The following NDUFV2 variants were observed in gnomAD, a reference collection of about 807,000 sequenced individuals.
NDUFV2 encodes the protein NADH:ubiquinone oxidoreductase core subunit V2, also known as NADH dehydrogenase [ubiquinone] flavoprotein 2, mitochondrial.
NDUFV2 carries 18 observed loss-of-function variants against 31.6 expected under a neutral mutation model. The observed-to-expected ratio is 0.57, with a 90% CI of 0.39 to 0.84. NDUFV2 has a LOEUF of 0.84. Ranked by LOEUF, NDUFV2 falls within the 40% of genes least tolerant of loss-of-function variation. NDUFV2 has a pLI of 0.00. For missense variants in NDUFV2, 314 were observed against 303.6 expected (o/e 1.03, Z -0.26); for synonymous variants, 83 against 99.8 (o/e 0.83, Z 1.01).
At chr18:9,111,953 C>T (rs747589044) in intron 1 of NDUFV2, among the ~76,000 whole-genome samples, 10 of 150,512 alleles carry the variant, frequency 6.6e-5, no homozygotes, top group Non-Finnish European at 1.2e-4. Flanking sequence ...ATGAAATTGA[C>T]ATTTCATATA....
At chr18:9,128,096 G>GTT (rs1367185372) in intron 7 of NDUFV2, among the ~76,000 whole-genome samples, 2 of 152,060 alleles carry the variant, frequency 1.3e-5, no homozygotes, top group African/African-American at 4.8e-5. Context: ...TGTTCTCATG[G>GTT]TTTTAGTCAT....
chr18:9,120,952 G>A (rs796622144), intron 4 of NDUFV2, among the ~76,000 whole-genome samples: 5 of 152,208 alleles, frequency 3.3e-5, no homozygotes, highest in African/African-American at 1.2e-4. Context: ...AACTGAAAGT[G>A]AAAACATTTA....
intron 6 of NDUFV2, 23 bp downstream of exon 6, chr18:9,125,006 G>C: frequency 6.2e-7 from 1 of 1,607,378 alleles, no homozygotes; most frequent in Non-Finnish European, 8.5e-7. Context: ...GGTAATACAA[G>C]TTAAAGTTGT....
At chr18:9,103,093 G>A (rs979177784) in intron 1 of NDUFV2, 3 of 424,236 alleles carry the variant, frequency 7.1e-6, no homozygotes, top group Non-Finnish European at 1.2e-5. Flanking sequence ...TTGCTGTAGC[G>A]CAGAATCTAG....
chr18:9,126,977 A>G, intron 7 of NDUFV2, 70 bp downstream of exon 7: 9 of 1,256,882 alleles, frequency 7.2e-6, no homozygotes, highest in Non-Finnish European at 1.1e-5. Flanking sequence ...AACTTGATTT[A>G]AAAAATTTTA....
At chr18:9,125,917 A>C (rs530617916) in intron 6 of NDUFV2, among the ~76,000 whole-genome samples, 30 of 152,258 alleles carry the variant, frequency 2.0e-4, no homozygotes, top group Admixed American at 4.6e-4. Context: ...ATGAGGTTAA[A>C]GCTTTTGGGG....
chr18:9,105,609 A>C (rs2077837701), intron 1 of NDUFV2, among the ~76,000 whole-genome samples: 1 of 152,216 alleles, frequency 6.6e-6, no homozygotes, highest in African/African-American at 2.4e-5. Context: ...TGGCATTTTC[A>C]ATTACAGATG....
chr18:9,102,871 C>T (rs775213414), intron 1 of NDUFV2, 74 bp downstream of exon 1: 6 of 1,475,932 alleles, frequency 4.1e-6, no homozygotes, highest in East Asian at 5.2e-5. Flanking sequence ...TAGTTTTGGG[C>T]GCAGGAGAGC....
At chr18:9,124,510 G>A (rs1598349400) in intron 5 of NDUFV2, among the ~76,000 whole-genome samples, 1 of 148,978 alleles carries the variant, frequency 6.7e-6, no homozygotes, top group South Asian at 2.1e-4. Context: ...GTGCAGTGGC[G>A]CAATCTCGGC....
At chr18:9,132,885 A>C (rs2078052024) in intron 7 of NDUFV2, among the ~76,000 whole-genome samples, 1 of 150,544 alleles carries the variant, frequency 6.6e-6, no homozygotes, top group Non-Finnish European at 1.5e-5. Flanking sequence ...AAAAATAATA[A>C]ATAAATTTAA....
At chr18:9,133,328 A>G (rs2078057119) in intron 7 of NDUFV2, 1 of 152,384 alleles carries the variant, frequency 6.6e-6, no homozygotes, top group Non-Finnish European at 1.5e-5. Context: ...GAGGGGTGAC[A>G]TACAGTAAGT....
intron 1 of NDUFV2, among the ~76,000 whole-genome samples, chr18:9,114,860 C>T (rs2077890246): frequency 6.6e-6 from 1 of 152,154 alleles, no homozygotes; most frequent in African/African-American, 2.4e-5. Flanking sequence ...GAGAATGCCT[C>T]AGAATAGATT....
In NDUFV2 at chr18:9,122,536, T is replaced by C. The variant is rs748301196; in HGVS notation, c.324T>C (p.Pro108=). The change falls in exon 5 of 8, where the codon CCT becomes CCC. Residue 108 remains proline, a synonymous_variant. Transcript: ENST00000318388. ...AGGTTGCAGAAGTTTTACAAGTACC[T>C]CCAATGAGAGTATATGAAGTAGCAA... ...MNKVAEVLQV[P]PMRVYEVATF... is the part of the protein sequence containing the mutation. The C allele has an allele frequency of 1.9e-6, 3 of 1,613,776 alleles. No individual in the cohort carries two copies. Among genetic ancestry groups the C allele is most frequent in the Admixed American group, 3.3e-5 (2 of 60,022 alleles).
intron 1 of NDUFV2, among the ~76,000 whole-genome samples, chr18:9,105,829 G>A (rs1358690472): frequency 6.6e-6 from 1 of 152,138 alleles, no homozygotes; most frequent in Non-Finnish European, 1.5e-5. Context: ...CATTCATCGA[G>A]GATATTTTCC....
rs149259710 is a variant in NDUFV2, at chr18:9,124,944, T to C, written c.540T>C (p.Cys180=). 19 of 1,613,662 alleles carry C rather than the reference T, an allele frequency of 1.2e-5. No individual in the cohort carries two copies. In the African/African-American group the frequency reaches 2.5e-4, roughly 22 times the overall value. The part of the protein sequence containing the change: ...TLIEVECLGA[C]VNAPMVQIND... ...TAGAAGTGGAATGTTTAGGGGCCTG[T>C]GTGAACGCACCAATGGTTCAAATAA... is the stretch of plus-strand genomic sequence containing the variant. The change falls in exon 6 of 8, where the codon TGT becomes TGC. Residue 180 remains cysteine (C), a synonymous_variant. Coordinates refer to ENST00000318388, the MANE Select transcript of NDUFV2 (RefSeq NM_021074.5).
At chr18:9,125,917 A>G (rs530617916) in intron 6 of NDUFV2, among the ~76,000 whole-genome samples, 6 of 152,140 alleles carry the variant, frequency 3.9e-5, no homozygotes, top group South Asian at 2.1e-4. Flanking sequence ...ATGAGGTTAA[A>G]GCTTTTGGGG....
intron 7 of NDUFV2, among the ~76,000 whole-genome samples, chr18:9,129,339 C>T (rs118030289): frequency 0.036 from 5,415 of 152,218 alleles, 137 homozygotes; most frequent in Middle Eastern, 0.11. Context: ...AAATTGATAC[C>T]TGCTTTGTCT....
At chr18:9,129,326 C>T (rs2078020341) in intron 7 of NDUFV2, among the ~76,000 whole-genome samples, 1 of 152,134 alleles carries the variant, frequency 6.6e-6, no homozygotes. Flanking sequence ...TCTCCTGCCA[C>T]ACAAATTGAT....
chr18:9,117,872 T>G lies in NDUFV2; in HGVS notation c.89T>G (p.Met30Arg), dbSNP rs1024384224. 3 of 1,599,788 alleles carry G rather than the reference T, an allele frequency of 1.9e-6. No individual in the cohort carries two copies. Among genetic ancestry groups the G allele is most frequent in the South Asian group, 1.1e-5 (1 of 90,644 alleles). ...RHVRNLHKTV[M>R]QNGAGGALFV... ...GTAAGGAATTTGCATAAGACAGTTA[T>G]GCAAAATGGAGCTGGAGGAGCTTTA... Residue 30 changes from methionine (M) to arginine (R), a missense_variant, in exon 2 of 8, where the codon ATG becomes AGG. Coordinates refer to ENST00000318388, the MANE Select transcript of NDUFV2 (RefSeq NM_021074.5).
Sources: gnomAD v4.1 joint callset for allele counts (sites outside exome capture counted in the v4.1 genomes callset) on GRCh38, gnomAD v4.1.1 for gene constraint, MANE v1.5 for transcripts, NCBI Gene and HGNC (gene_info 2026-07-23, HGNC 2026-07-21) for gene names.